TMEM63B: variants seen among roughly 807,000 people sequenced by gnomAD.
The protein encoded by TMEM63B is transmembrane protein 63B.
Under a neutral mutation model 102.6 loss-of-function variants are expected in TMEM63B, and 23 were observed. The observed-to-expected ratio is 0.22, with a 90% confidence interval of 0.16 to 0.32. The LOEUF (loss-of-function observed/expected upper bound fraction) is 0.32, where lower values mean the gene tolerates loss of function less well. Among genes scored for constraint, TMEM63B ranks in the 10% least tolerant of loss-of-function variants. The pLI, the probability that TMEM63B is intolerant of heterozygous loss-of-function variation, is 1.00. For missense variants in TMEM63B, 628 were observed against 1,095.9 expected, an observed-to-expected ratio of 0.57 and a Z score of 6.03; for synonymous variants, 444 against 437.0, an observed-to-expected ratio of 1.02 and a Z score of -0.20.
intron 10 of TMEM63B, among the ~76,000 whole-genome samples, chr6:44,145,726 A>T (rs948123876): frequency 6.6e-6 from 1 of 152,216 alleles, no homozygotes; most frequent in Non-Finnish European, 1.5e-5. Context: ...ACTTGAACCC[A>T]GGAGTTCAAG....
At chr6:44,139,881 C>G in intron 8 of TMEM63B, 122 bp downstream of exon 8, 1 of 1,234,092 alleles carries the variant, frequency 8.1e-7, no homozygotes, top group Non-Finnish European at 1.2e-6. Flanking sequence ...GGCTATGGGT[C>G]CCTGAGGGCT....
At chr6:44,138,624 C>G (rs985593928) in intron 6 of TMEM63B, 107 bp downstream of exon 6, 2 of 1,325,630 alleles carry the variant, frequency 1.5e-6, no homozygotes, top group African/African-American at 2.9e-5. Context: ...GCACTCCTCG[C>G]CAGCACAGCA....
chr6:44,142,819 T>C (rs1382427061), intron 10 of TMEM63B, among the ~76,000 whole-genome samples: 1 of 152,134 alleles, frequency 6.6e-6, no homozygotes, highest in Non-Finnish European at 1.5e-5. Flanking sequence ...AAGACCAGCC[T>C]GGACAACATG....
chr6:44,141,972 C>T (rs572757411), intron 10 of TMEM63B, among the ~76,000 whole-genome samples: 2 of 151,218 alleles, frequency 1.3e-5, no homozygotes, highest in East Asian at 2.0e-4. Context: ...AAAATACAAA[C>T]TTAGCCAGGT....
In TMEM63B at chr6:44,131,198, G is replaced by GGCCTCCCAAAA. The variant is rs1398085997; in HGVS notation, c.-24-3363_-24-3362insGCCTCCCAAAA. Among the ~76,000 whole-genome samples the GGCCTCCCAAAA allele has an allele frequency of 3.5e-4, 54 of 152,186 alleles. 1 individual carries two copies. The highest frequency in any genetic ancestry group is 1.3e-3 in the African/African-American group (52 of 41,532). On this transcript the variant is annotated intron_variant, in intron 1 of 23. Coordinates refer to ENST00000323267, the MANE Select transcript of TMEM63B (RefSeq NM_018426.3). ...CTCCCAAAATGCTGGGATTACAGGT[G>GGCCTCCCAAAA]TGAGCCACCGTGCCTGGCACCTACT...
At position 44,135,343 on chromosome 6, in the gene TMEM63B, G is replaced by T. The variant is rs1392827780; in HGVS notation, c.255G>T (p.Glu85Asp). The T allele has an allele frequency of 6.2e-7, 1 of 1,612,964 alleles. No individual in the cohort carries two copies. The highest frequency in any genetic ancestry group is 2.2e-5 in the East Asian group (1 of 44,878). Residue 85 changes from glutamate to aspartate, a missense_variant, in exon 4 of 24, where the codon GAG becomes GAT. By Grantham distance (45) the Glu-to-Asp change is conservative. This residue lies in a region of TMEM63B where 336 missense variants were observed against 580.3 expected (regional missense o/e 0.58). Coordinates refer to ENST00000323267, the MANE Select transcript of TMEM63B (RefSeq NM_018426.3). ...VTDADRLRRQ[E>D]RDRVEQEYVA... Reference sequence around the variant, plus strand: ...CTGTCCCCAGGCTTCGGCGGCAGGAGAGGGACCGAGTGGAACAGGAATAGT... The same window carrying T: ...CTGTCCCCAGGCTTCGGCGGCAGGATAGGGACCGAGTGGAACAGGAATAGT...
At chr6:44,131,746 A>T (rs1263211950) in intron 1 of TMEM63B, among the ~76,000 whole-genome samples, 1 of 150,320 alleles carries the variant, frequency 6.7e-6, no homozygotes, top group Non-Finnish European at 1.5e-5. Flanking sequence ...CCCCCCAAAA[A>T]AAAGCTTATA....
rs907823038 is a variant in TMEM63B, at chr6:44,149,964, C to T, written c.1519C>T (p.Arg507Cys). 5.6e-6 allele frequency: 9 copies of T among 1,612,460 alleles called. No individual in the cohort carries two copies. The highest frequency in any genetic ancestry group is 1.3e-5 in the African/African-American group (1 of 75,030). ...AGCCTTCTTTGAAGCCCACTGGACA[C>T]GGTAAGGTGCCTCCACTCACACCAC... is the stretch of plus-strand genomic sequence containing the variant. ...YSAFFEAHWT[R>C]SGENRTTMHK... Residue 507 changes from arginine to cysteine, a missense_variant and splice_region_variant, in exon 16 of 24, where the codon CGC becomes TGC. Arg to Cys is a radical substitution (Grantham distance 180). Coordinates refer to ENST00000323267, the MANE Select transcript of TMEM63B (RefSeq NM_018426.3).
chr6:44,135,136 C>A, intron 3 of TMEM63B, 40 bp downstream of exon 3: 8 of 1,606,648 alleles, frequency 5.0e-6, no homozygotes, highest in Non-Finnish European at 6.8e-6. Flanking sequence ...TCCACACACA[C>A]ATCTTGTTCC....
Position 44,149,981 on chromosome 6 carries a change from TCA to T in TMEM63B, c.1520+20_1520+21del, listed in dbSNP as rs745612466. 6.2e-7 allele frequency: 1 copy of T among 1,606,692 alleles called. No homozygotes were observed. Among genetic ancestry groups the T allele is most frequent in the East Asian group, 2.2e-5 (1 of 44,636 alleles). ...ACTGGACACGGTAAGGTGCCTCCAC[TCA>T]CACCACACCTCGCTGTGGCCTGCCC... is the stretch of plus-strand genomic sequence containing the variant. On this transcript the variant is annotated intron_variant, in intron 16 of 23. Transcript: ENST00000323267.
chr6:44,132,388 A>G (rs1333505282), intron 1 of TMEM63B: 1 of 929,592 alleles, frequency 1.1e-6, no homozygotes, highest in African/African-American at 1.8e-5. Flanking sequence ...TTTGGTGTGG[A>G]GAAGACAGGA....
chr6:44,142,260 C>T (rs1381237462), intron 10 of TMEM63B, among the ~76,000 whole-genome samples: 1 of 129,884 alleles, frequency 7.7e-6, no homozygotes, highest in Non-Finnish European at 1.6e-5. Context: ...AATGAGACCC[C>T]ATGTCTTAAA....
intron 3 of TMEM63B, 44 bp from the exon 4 acceptor site, chr6:44,135,284 A>G: frequency 1.9e-6 from 3 of 1,595,060 alleles, no homozygotes; most frequent in Non-Finnish European, 2.6e-6. Context: ...GTCCCCAGGG[A>G]CTCTCCCCCG....
chr6:44,152,118 G>A lies in TMEM63B; in HGVS notation c.1836+110G>A, dbSNP rs756767826. ...GGGCACAGGAGGGCTGAGACTTGGG[G>A]AGTACAGTTGACTCACGGTGGATCC... On this transcript the variant is annotated intron_variant, in intron 19 of 23. Coordinates refer to ENST00000323267, the MANE Select transcript of TMEM63B (RefSeq NM_018426.3). This position sits in a 1 kb window ranked among gnomAD's most constrained non-coding sequence, Gnocchi z 6.4. 39 of 1,331,516 alleles carry A rather than the reference G, an allele frequency of 2.9e-5. No homozygotes were observed. Among genetic ancestry groups the A allele is most frequent in the Non-Finnish European group, 3.4e-5 (34 of 1,000,136 alleles). 82.5% of individuals were successfully genotyped at this position (1,331,516 alleles called of 1,614,324 possible).
chr6:44,127,779 A>G (rs1777477647), intron 1 of TMEM63B, 101 bp downstream of exon 1: 2 of 148,510 alleles, frequency 1.3e-5, no homozygotes, highest in South Asian at 2.2e-4. Context: ...CCTCCCTTCA[A>G]CCTCCTGCGG....
At chr6:44,145,598 A>G (rs1765214274) in intron 10 of TMEM63B, among the ~76,000 whole-genome samples, 1 of 150,874 alleles carries the variant, frequency 6.6e-6, no homozygotes, top group African/African-American at 2.5e-5. Flanking sequence ...TCTCAAAAAC[A>G]AAACAAAACA....
At chr6:44,133,203 TA>T (rs1762283780) in intron 1 of TMEM63B, among the ~76,000 whole-genome samples, 1 of 152,190 alleles carries the variant, frequency 6.6e-6, no homozygotes, top group Admixed American at 6.5e-5. Context: ...TTAGTCTTCC[TA>T]ATCCAGGCTT....
chr6:44,150,415 G>A lies in TMEM63B; in HGVS notation c.1607+105G>A, dbSNP rs1766353149. 3 of 1,468,136 alleles carry A rather than the reference G, an allele frequency of 2.0e-6. No homozygotes were observed. Among genetic ancestry groups the A allele is most frequent in the South Asian group, 1.2e-5 (1 of 86,868 alleles). The allele number at this position is 1,468,136 out of a possible 1,614,324, so 90.9% of individuals were successfully genotyped here. A position where few individuals can be genotyped will look rare whatever the true frequency, so the allele number is the denominator to read the frequency against. Reference sequence around the variant, plus strand: ...CTCCCCTACAAAGCAAGGGGCCCAAGATGGGAAGCCTGGCCACCCCCAGGC... The same window carrying A: ...CTCCCCTACAAAGCAAGGGGCCCAAAATGGGAAGCCTGGCCACCCCCAGGC... On this transcript the variant is annotated intron_variant, in intron 17 of 23. Coordinates refer to ENST00000323267, the MANE Select transcript of TMEM63B (RefSeq NM_018426.3). The surrounding 1 kb of genome is among the most constrained non-coding windows in gnomAD (Gnocchi z 4.7).
At chr6:44,145,997 G>C (rs1245493869) in intron 10 of TMEM63B, among the ~76,000 whole-genome samples, 1 of 152,132 alleles carries the variant, frequency 6.6e-6, no homozygotes, top group Admixed American at 6.5e-5. Context: ...TTAAGGGTCA[G>C]TCTTTGGCCA....
Sources: allele counts gnomAD v4.1 joint callset (sites outside exome capture counted in the v4.1 genomes callset), GRCh38; gene constraint gnomAD v4.1.1; regional missense constraint gnomAD v4.1.1; non-coding constraint Gnocchi (gnomAD v3.1); transcripts MANE v1.5; gene names NCBI Gene and HGNC (gene_info 2026-07-23, HGNC 2026-07-21).